KRR1: variants seen among roughly 807,000 people sequenced by gnomAD.
KRR1 encodes the protein KRR1 small subunit processome component homolog.
A neutral mutation model predicts 50.0 loss-of-function variants in KRR1; 23 were observed. The ratio of observed to expected loss-of-function variants is 0.46; its 90% confidence interval spans 0.33 to 0.65. The LOEUF is 0.65. KRR1 is among the 30% of genes least tolerant of loss of function. The pLI is 0.02. For missense variants in KRR1, 419 were observed against 442.4 expected (o/e 0.95, Z 0.47); for synonymous variants, 133 against 146.3 (o/e 0.91, Z 0.66).
chr12:75,499,416 T>C lies in KRR1; in HGVS notation c.*393A>G, dbSNP rs893346652. 3.1e-5 allele frequency: 5 copies of C among 160,260 alleles called. No individual in the cohort carries two copies. Among genetic ancestry groups the C allele is most frequent in the African/African-American group, 9.6e-5 (4 of 41,732 alleles). 9.9% of individuals were successfully genotyped at this position (160,260 alleles called of 1,614,324 possible). A position where few individuals can be genotyped will look rare whatever the true frequency, so the allele number is the denominator to read the frequency against. On this transcript the variant is annotated 3_prime_UTR_variant, in exon 10 of 10. Transcript: ENST00000229214. ...AGAACAGAGGAGTAACTAGGGGATC[T>C]GATTTTAGAGGCCTTAATTTTCTGT... is the stretch of plus-strand genomic sequence containing the variant.
chr12:75,498,701 A>G lies in KRR1; in HGVS notation c.*1108T>C. On this transcript the variant is annotated 3_prime_UTR_variant, in exon 10 of 10. Coordinates refer to ENST00000229214, the MANE Select transcript of KRR1 (RefSeq NM_007043.7). ...TTCCCCCTAACTTTACAGTTAACCGACAGCGAGACCAAGTCAAACGTACGT... is the reference window on the plus strand; with the variant it reads ...TTCCCCCTAACTTTACAGTTAACCGGCAGCGAGACCAAGTCAAACGTACGT... 1 of 1,612,778 alleles carries G rather than the reference A, an allele frequency of 6.2e-7. No individual in the cohort carries two copies. The highest frequency in any genetic ancestry group is 8.5e-7 in the Non-Finnish European group (1 of 1,178,980).
intron 5 of KRR1, 172 bp downstream of exon 5, chr12:75,506,144 G>T: frequency 2.0e-6 from 1 of 508,758 alleles, no homozygotes; most frequent in Non-Finnish European, 3.4e-6. Context: ...ACATGTTAGG[G>T]TCCAGATATG....
At chr12:75,511,396 T>A (rs77684237) in intron 1 of KRR1, 117 bp downstream of exon 1, 3 of 841,978 alleles carry the variant, frequency 3.6e-6, no homozygotes, top group Non-Finnish European at 5.9e-6. Context: ...ATTATTCAGG[T>A]ACTCAACTAC....
chr12:75,499,105 C>T lies in KRR1; in HGVS notation c.*704G>A, dbSNP rs1169202672. 13 of 518,654 alleles carry T rather than the reference C, an allele frequency of 2.5e-5. No individual in the cohort carries two copies. Among genetic ancestry groups the T allele is most frequent in the Non-Finnish European group, 1.3e-5 (4 of 308,392 alleles). 32.1% of individuals were successfully genotyped at this position (518,654 alleles called of 1,614,324 possible). A position where few individuals can be genotyped will look rare whatever the true frequency, so the allele number is the denominator to read the frequency against. ...GAAAAAAATATATGTTATAGCAATACTCTTACTCAAAAGAAGAAATTTCCT... is the reference window on the plus strand; with the variant it reads ...GAAAAAAATATATGTTATAGCAATATTCTTACTCAAAAGAAGAAATTTCCT... On this transcript the variant is annotated 3_prime_UTR_variant, in exon 10 of 10. Transcript: ENST00000229214.
chr12:75,502,713 TAATG>T (rs1258825404), intron 7 of KRR1: 4 of 152,048 alleles, frequency 2.6e-5, no homozygotes, highest in Admixed American at 2.0e-4. Context: ...CCCAGTCACA[TAATG>T]AATTAAGTGT....
rs1359483796 is a variant in KRR1, at chr12:75,501,950, C to T, written c.882G>A (p.Lys294=). Residue 294 remains lysine (K), a synonymous_variant, in exon 8 of 10, where the codon AAG becomes AAA. Transcript: ENST00000229214. ...SGEYFLKANQ[K]KRQKMEAIKA... is the part of the protein sequence containing the mutation. ...TTATTGCTTCCATTTTCTGCCGCTT[C>T]TTCTGATTTGCCTTCAAAAAGTATT... is the stretch of plus-strand genomic sequence containing the variant. 1 of 1,612,508 alleles carries T rather than the reference C, an allele frequency of 6.2e-7. No individual in the cohort carries two copies. Among genetic ancestry groups the T allele is most frequent in the African/African-American group, 1.3e-5 (1 of 74,808 alleles).
chr12:75,510,722 C>CT (rs2046444041), intron 1 of KRR1, among the ~76,000 whole-genome samples: 2 of 152,166 alleles, frequency 1.3e-5, no homozygotes, highest in Non-Finnish European at 2.9e-5. Context: ...AGTCTGAATG[C>CT]TAGTTTCCCG....
chr12:75,510,076 T>C (rs1265329086), intron 1 of KRR1, among the ~76,000 whole-genome samples: 1 of 151,834 alleles, frequency 6.6e-6, no homozygotes, highest in Non-Finnish European at 1.5e-5. Flanking sequence ...GATCAGAAAA[T>C]GCAAACTAAA....
At position 75,501,912 on chromosome 12, in the gene KRR1, A is replaced by C; in HGVS notation, c.909+11T>G. 6.2e-7 allele frequency: 1 copy of C among 1,607,874 alleles called. No individual in the cohort carries two copies. The highest frequency in any genetic ancestry group is 1.3e-5 in the African/African-American group (1 of 74,888). On this transcript the variant is annotated intron_variant, in intron 8 of 9. Coordinates refer to ENST00000229214, the MANE Select transcript of KRR1 (RefSeq NM_007043.7). The stretch of plus-strand genomic sequence containing the variant: ...TTGCTATTCATGTGAGCCAGACATA[A>C]AGTGCCGTACCTTTATTGCTTCCAT...
chr12:75,504,942 G>T (rs747453374), intron 6 of KRR1, among the ~76,000 whole-genome samples: 1 of 151,888 alleles, frequency 6.6e-6, no homozygotes, highest in Non-Finnish European at 1.5e-5. Context: ...TACTTTCATT[G>T]ATTACAACTA....
chr12:75,496,158 C>G lies in KRR1; in HGVS notation c.*3651G>C, dbSNP rs1416066279. ...AGCTGAGATTACCATGCCACCATGC[C>G]CAGCCTGGCCAACATGGCAAAAACC... On this transcript the variant is annotated 3_prime_UTR_variant, in exon 10 of 10. Transcript: ENST00000229214. 1.3e-5 allele frequency: 2 copies of G among 152,002 alleles called. No homozygotes were observed. Among genetic ancestry groups the G allele is most frequent in the African/African-American group, 4.8e-5 (2 of 41,284 alleles). 9.4% of individuals were successfully genotyped at this position (152,002 alleles called of 1,614,324 possible).
At chr12:75,509,160 T>C (rs2046435295) in intron 1 of KRR1, among the ~76,000 whole-genome samples, 1 of 152,198 alleles carries the variant, frequency 6.6e-6, no homozygotes, top group Non-Finnish European at 1.5e-5. Flanking sequence ...GAATCATTTA[T>C]TTAAAAAACT....
At chr12:75,508,807 G>A (rs550197236) in intron 1 of KRR1, among the ~76,000 whole-genome samples, 1 of 152,270 alleles carries the variant, frequency 6.6e-6, no homozygotes, top group South Asian at 2.1e-4. Flanking sequence ...AGATTTGAAT[G>A]CCATTTTGGT....
Position 75,499,923 on chromosome 12 carries a change from G to C in KRR1, c.1032C>G (p.Ala344=). The C allele has an allele frequency of 1.2e-6, 2 of 1,603,574 alleles. No individual in the cohort carries two copies. Among genetic ancestry groups the C allele is most frequent in the Non-Finnish European group, 1.7e-6 (2 of 1,176,068 alleles). Residue 344 remains alanine (A), a synonymous_variant, in exon 10 of 10, where the codon GCC becomes GCG. Coordinates refer to ENST00000229214, the MANE Select transcript of KRR1 (RefSeq NM_007043.7). The stretch of plus-strand genomic sequence containing the variant: ...CTTTCTTAACCTTTTCCTTGATGCT[G>C]GCCACATCAATTTTAGTTTCAGTAG... ...EASTETKIDV[A]SIKEKVKKAK...
chr12:75,497,474 A>C lies in KRR1; in HGVS notation c.*2335T>G, dbSNP rs1387282520. 6.6e-6 allele frequency: 1 copy of C among 152,184 alleles called. No homozygotes were observed. Among genetic ancestry groups the C allele is most frequent in the African/African-American group, 2.4e-5 (1 of 41,446 alleles). The allele number at this position is 152,184 out of a possible 1,614,324, so 9.4% of individuals were successfully genotyped here. A position where few individuals can be genotyped will look rare whatever the true frequency, so the allele number is the denominator to read the frequency against. ...CATCTTACAGATTGATCTTGTCACT[A>C]ATTTCCTATTCTCAGAGCTAGATTT... On this transcript the variant is annotated 3_prime_UTR_variant, in exon 10 of 10. Transcript: ENST00000229214.
At chr12:75,501,873 AG>A in intron 8 of KRR1, 49 bp downstream of exon 8, 3 of 1,583,860 alleles carry the variant, frequency 1.9e-6, no homozygotes, top group Non-Finnish European at 2.6e-6. Flanking sequence ...AAATAATTCA[AG>A]TATCTATGAA....
chr12:75,495,523 G>C lies in KRR1; in HGVS notation c.*4286C>G, dbSNP rs2046344826. ...TTTAGTTAAGGATTCATAGTAAATT[G>C]CAATTTTAAAAAACCGAAAAACTTC... is the stretch of plus-strand genomic sequence containing the variant. On this transcript the variant is annotated 3_prime_UTR_variant, in exon 10 of 10. Coordinates refer to ENST00000229214, the MANE Select transcript of KRR1 (RefSeq NM_007043.7). The C allele has an allele frequency of 2.2e-6, 2 of 892,396 alleles. No homozygotes were observed. The highest frequency in any genetic ancestry group is 3.8e-6 in the Non-Finnish European group (2 of 531,380). 55.3% of individuals were successfully genotyped at this position (892,396 alleles called of 1,614,324 possible). A position where few individuals can be genotyped will look rare whatever the true frequency, so the allele number is the denominator to read the frequency against.
At chr12:75,503,837 TAA>T in intron 7 of KRR1, 65 bp downstream of exon 7, 1 of 1,396,400 alleles carries the variant, frequency 7.2e-7, no homozygotes. Flanking sequence ...ATACTTTCAA[TAA>T]AGTTTCTGAC....
At position 75,497,194 on chromosome 12, in the gene KRR1, G is replaced by GA. The variant is rs1228497268; in HGVS notation, c.*2614dup. The stretch of plus-strand genomic sequence containing the variant: ...ATTTTTTTCAACGAAACAACCCAGT[G>GA]AAAAAAATGTTTCCCTTTAAAAATC... On this transcript the variant is annotated 3_prime_UTR_variant, in exon 10 of 10. Transcript: ENST00000229214. 1 of 151,962 alleles carries GA rather than the reference G, an allele frequency of 6.6e-6. No homozygotes were observed. The highest frequency in any genetic ancestry group is 1.5e-5 in the Non-Finnish European group (1 of 67,968). 9.4% of individuals were successfully genotyped at this position (151,962 alleles called of 1,614,324 possible).
Sources: allele counts gnomAD v4.1 joint callset (sites outside exome capture counted in the v4.1 genomes callset), GRCh38; gene constraint gnomAD v4.1.1; transcripts MANE v1.5; gene names NCBI Gene and HGNC (gene_info 2026-07-23, HGNC 2026-07-21).